Variants in ANKS1B observed in about 807,000 individuals in gnomAD.
ANKS1B encodes the protein ankyrin repeat and sterile alpha motif domain-containing protein 1B.
ANKS1B carries 36 observed loss-of-function variants against 148.3 expected under a neutral mutation model. That is an observed-to-expected ratio of 0.24 (90% confidence interval 0.19 to 0.32). The LOEUF is 0.32. Ranked by LOEUF, ANKS1B falls within the 10% of genes least tolerant of loss-of-function variation. The probability of loss-of-function intolerance (pLI) is 1.00; values close to 1 mark genes in which losing one functional copy is unlikely to be tolerated. For synonymous variants in ANKS1B, 542 were observed against 560.8 expected (o/e 0.97, Z 0.47); for missense variants, 1,157 against 1,542.6 (o/e 0.75, Z 4.19).
rs189464422 is a variant in ANKS1B, at chr12:99,482,551, T to G, written c.1438+21925A>C. On this transcript the variant is annotated intron_variant, in intron 10 of 26. Transcript: ENST00000683438. ...CCATATGAATTTTAGAATGGTTTTT[T>G]ATAATTCTGTGAAAAATAATGTTGG... Among the ~76,000 whole-genome samples, 13 of 152,216 alleles carry G rather than the reference T, an allele frequency of 8.5e-5. No individual in the cohort carries two copies. The East Asian group carries it at 2.3e-3, about 27-fold the overall frequency.
At chr12:99,065,700 C>T (rs2044055544) in intron 16 of ANKS1B, among the ~76,000 whole-genome samples, 1 of 151,902 alleles carries the variant, frequency 6.6e-6, no homozygotes, top group Non-Finnish European at 1.5e-5. Context: ...TCCATCCGTC[C>T]ACCCACTTAT....
At chr12:98,831,430 T>G (rs2099314679) in intron 18 of ANKS1B, 1 of 152,356 alleles carries the variant, frequency 6.6e-6, no homozygotes, top group Admixed American at 6.5e-5. Context: ...TTGATCAATT[T>G]TCTTTCTGTG....
intron 8 of ANKS1B, among the ~76,000 whole-genome samples, chr12:99,771,123 A>G (rs2063150290): frequency 6.6e-6 from 1 of 152,130 alleles, no homozygotes; most frequent in African/African-American, 2.4e-5. Flanking sequence ...GTCTCCAAGC[A>G]GCACATACAG....
chr12:99,692,912 G>A (rs1304661691), intron 8 of ANKS1B, among the ~76,000 whole-genome samples: 3 of 152,142 alleles, frequency 2.0e-5, no homozygotes, highest in African/African-American at 7.2e-5. Flanking sequence ...GTCTCAAACT[G>A]CAGGCACAAT....
chr12:99,043,310 T>C (rs1178201787), intron 17 of ANKS1B, among the ~76,000 whole-genome samples: 1 of 152,248 alleles, frequency 6.6e-6, no homozygotes, highest in Non-Finnish European at 1.5e-5. Context: ...TAAATAGTTT[T>C]AGTTATATGT....
At chr12:99,664,471 G>T (rs2098495784) in intron 8 of ANKS1B, among the ~76,000 whole-genome samples, 1 of 151,958 alleles carries the variant, frequency 6.6e-6, no homozygotes, top group African/African-American at 2.4e-5. Flanking sequence ...GAGTAAAAAG[G>T]TAGATGTATG....
At position 98,768,965 on chromosome 12, in the gene ANKS1B, G is replaced by T. The variant is rs543514972; in HGVS notation, c.3579+4077C>A. Reference sequence around the variant, plus strand: ...CTTCAAATCTAACTGTCCATAAACTGGAAACTTCCTAGACATCACTGAATT... The same window carrying T: ...CTTCAAATCTAACTGTCCATAAACTTGAAACTTCCTAGACATCACTGAATT... On this transcript the variant is annotated intron_variant, in intron 25 of 26. Coordinates refer to ENST00000683438, the MANE Select transcript of ANKS1B (RefSeq NM_001352186.2). 2.0e-5 allele frequency among the ~76,000 whole-genome samples: 3 copies of T among 151,882 alleles called. No individual in the cohort carries two copies. The East Asian group carries it at 5.8e-4, about 29-fold the overall frequency.
intron 17 of ANKS1B, among the ~76,000 whole-genome samples, chr12:98,864,117 G>C (rs999474680): frequency 2.7e-5 from 4 of 149,560 alleles, no homozygotes; most frequent in Admixed American, 6.7e-5. Context: ...CCTACAATAG[G>C]TGTCTGTGAT....
chr12:99,344,995 T>C (rs1302275195), intron 12 of ANKS1B: 1 of 152,054 alleles, frequency 6.6e-6, no homozygotes, highest in Non-Finnish European at 1.5e-5. Context: ...GATGAAACTA[T>C]TTATTTTGAC....
intron 12 of ANKS1B, among the ~76,000 whole-genome samples, chr12:99,354,209 G>T (rs2091748866): frequency 6.6e-6 from 1 of 152,008 alleles, no homozygotes. Context: ...GGTCTGAAAT[G>T]AACCAATGAC....
chr12:98,892,584 T>C (rs1249680535), intron 17 of ANKS1B, among the ~76,000 whole-genome samples: 1 of 152,256 alleles, frequency 6.6e-6, no homozygotes, highest in Non-Finnish European at 1.5e-5. Flanking sequence ...ATTCGATTCA[T>C]GTATAGAAAT....
At chr12:99,053,032 G>T in intron 17 of ANKS1B, 125 bp downstream of exon 17, 1 of 831,784 alleles carries the variant, frequency 1.2e-6, no homozygotes, top group Non-Finnish European at 1.7e-6. Context: ...GAGAGAGATC[G>T]ATATTTAAAA....
chr12:99,838,096 A>G (rs2085132033), intron 1 of ANKS1B, among the ~76,000 whole-genome samples: 1 of 152,114 alleles, frequency 6.6e-6, no homozygotes, highest in Non-Finnish European at 1.5e-5. Flanking sequence ...GTTGCCAAAG[A>G]CATTATTTCA....
intron 8 of ANKS1B, among the ~76,000 whole-genome samples, chr12:99,760,757 A>G (rs1235959125): frequency 6.6e-6 from 1 of 151,668 alleles, no homozygotes; most frequent in East Asian, 1.9e-4. Context: ...TAAAACCAAA[A>G]GTTGGCATGA....
chr12:98,894,837 G>A, intron 17 of ANKS1B: 1 of 981,724 alleles, frequency 1.0e-6, no homozygotes, highest in Non-Finnish European at 1.2e-6. Context: ...GCCGCGCCGC[G>A]CTGCGCCGAG....
At chr12:98,928,848 G>A (rs138882575) in intron 17 of ANKS1B, among the ~76,000 whole-genome samples, 65 of 151,996 alleles carry the variant, frequency 4.3e-4, no homozygotes, top group Middle Eastern at 6.8e-3. Context: ...AATACTTAAT[G>A]GCGAAAGACC....
At chr12:98,852,846 A>G (rs1360259659) in intron 17 of ANKS1B, among the ~76,000 whole-genome samples, 1 of 152,104 alleles carries the variant, frequency 6.6e-6, no homozygotes, top group Non-Finnish European at 1.5e-5. Context: ...CAGGGTGAGT[A>G]CTTTGCAAAG....
intron 1 of ANKS1B, among the ~76,000 whole-genome samples, chr12:99,927,846 ATTAATT>A (rs2094510665): frequency 6.6e-6 from 1 of 152,196 alleles, no homozygotes; most frequent in Non-Finnish European, 1.5e-5. Flanking sequence ...ATTTTTATAA[ATTAATT>A]TTAATTTTAA....
chr12:99,648,501 T>C (rs1393641067), intron 9 of ANKS1B: 10 of 1,613,874 alleles, frequency 6.2e-6, no homozygotes, highest in Non-Finnish European at 8.5e-6. Context: ...AAAGAGAAAG[T>C]CCGCCTGCAG....
Sources: allele counts gnomAD v4.1 joint callset (sites outside exome capture counted in the v4.1 genomes callset), GRCh38; gene constraint gnomAD v4.1.1; transcripts MANE v1.5; gene names NCBI Gene and HGNC (gene_info 2026-07-23, HGNC 2026-07-21).